The following ZMAT4 variants were observed in gnomAD, a reference collection of about 807,000 sequenced individuals.
The protein encoded by ZMAT4 is zinc finger matrin-type 4.
ZMAT4 carries 17 observed loss-of-function variants against 28.7 expected under a neutral mutation model. That is an observed-to-expected ratio of 0.59 (90% confidence interval 0.41 to 0.89). The LOEUF is 0.89. ZMAT4 is among the 40% of genes least tolerant of loss of function. The pLI is 0.00. For missense variants in ZMAT4, 240 were observed against 283.8 expected (o/e 0.85, Z 1.11); for synonymous variants, 117 against 109.2 (o/e 1.07, Z -0.44).
In ZMAT4 at chr8:40,747,481, G is replaced by A. The variant is rs116084853; in HGVS notation, c.192+20160C>T. On this transcript the variant is annotated intron_variant, in intron 3 of 6. Coordinates refer to ENST00000297737, the MANE Select transcript of ZMAT4 (RefSeq NM_024645.3). ...TATGATTCGGTTTTACTTTTCCCTCGATAGCACTCTATTTCTTCCCTTTCT... is the reference window on the plus strand; with the variant it reads ...TATGATTCGGTTTTACTTTTCCCTCAATAGCACTCTATTTCTTCCCTTTCT... Among the ~76,000 whole-genome samples, 1,229 of 151,696 alleles carry A rather than the reference G, an allele frequency of 8.1e-3. 17 individuals are homozygous for A. The highest frequency in any genetic ancestry group is 0.028 in the African/African-American group (1,163 of 41,334).
intron 6 of ZMAT4, among the ~76,000 whole-genome samples, chr8:40,554,414 C>T (rs1412992687): frequency 6.6e-6 from 1 of 151,938 alleles, no homozygotes; most frequent in African/African-American, 2.4e-5. Flanking sequence ...ACTTAATTAA[C>T]TAAGTACTGG....
intron 3 of ZMAT4, among the ~76,000 whole-genome samples, chr8:40,715,608 T>C (rs965649967): frequency 2.0e-5 from 3 of 152,194 alleles, no homozygotes; most frequent in Non-Finnish European, 4.4e-5. Context: ...AAATAATTAT[T>C]TAGAGTAAGT....
intron 3 of ZMAT4, among the ~76,000 whole-genome samples, chr8:40,749,237 A>G (rs1391330193): frequency 2.6e-5 from 4 of 152,224 alleles, no homozygotes; most frequent in Non-Finnish European, 5.9e-5. Flanking sequence ...AAAGAGGTTC[A>G]GGATCATCTG....
In ZMAT4 at chr8:40,695,921, G is replaced by A. The variant is rs80048980; in HGVS notation, c.349+1324C>T. Among the ~76,000 whole-genome samples the A allele has an allele frequency of 7.7e-4, 117 of 152,062 alleles. 1 individual carries two copies. The South Asian group carries it at 0.017, about 23-fold the overall frequency. On this transcript the variant is annotated intron_variant, in intron 4 of 6. Transcript: ENST00000297737. The stretch of plus-strand genomic sequence containing the variant: ...CAGTAATATTCTGCTTCAGCAGAGA[G>A]AACAAATGGACTGGTTATTAATTCA...
intron 1 of ZMAT4, among the ~76,000 whole-genome samples, chr8:40,860,886 G>A (rs1817465908): frequency 6.6e-6 from 1 of 152,170 alleles, no homozygotes; most frequent in African/African-American, 2.4e-5. Context: ...GAGCCCTTAG[G>A]AGGCTGTTGC....
intron 5 of ZMAT4, among the ~76,000 whole-genome samples, chr8:40,673,871 C>T (rs1808790645): frequency 1.3e-5 from 2 of 152,114 alleles, no homozygotes. Flanking sequence ...AAAACCCTGT[C>T]TGGGGCAGGG....
intron 1 of ZMAT4, among the ~76,000 whole-genome samples, chr8:40,876,711 T>G (rs951594346): frequency 5.3e-4 from 80 of 152,234 alleles, no homozygotes; most frequent in Non-Finnish European, 4.3e-4. Context: ...TATGTGTGAT[T>G]TGACTGTTGA....
At chr8:40,886,967 C>T (rs13265471) in intron 1 of ZMAT4, among the ~76,000 whole-genome samples, 4,222 of 152,002 alleles carry the variant, frequency 0.028, 98 homozygotes, top group South Asian at 0.085. Context: ...GTCAGGAGAT[C>T]GAGACCAACC....
At chr8:40,744,104 T>G (rs1812124415) in intron 3 of ZMAT4, among the ~76,000 whole-genome samples, 1 of 152,162 alleles carries the variant, frequency 6.6e-6, no homozygotes, top group Admixed American at 6.5e-5. Flanking sequence ...TAGAATGAGA[T>G]AACACAGGCC....
chr8:40,827,122 C>A (rs1816088090), intron 1 of ZMAT4, among the ~76,000 whole-genome samples: 1 of 152,174 alleles, frequency 6.6e-6, no homozygotes, highest in Non-Finnish European at 1.5e-5. Flanking sequence ...GCCTCGCTTG[C>A]ATGATTCCAA....
At chr8:40,532,320 C>A in intron 6 of ZMAT4, 82 bp from the exon 7 acceptor site, 1 of 1,236,492 alleles carries the variant, frequency 8.1e-7, no homozygotes, top group Non-Finnish European at 1.1e-6. Flanking sequence ...CACCCCCTGT[C>A]TCTCTTCTAC....
chr8:40,580,968 A>C (rs1364823221), intron 6 of ZMAT4, among the ~76,000 whole-genome samples, 197 bp downstream of exon 6: 1 of 152,336 alleles, frequency 6.6e-6, no homozygotes, highest in African/African-American at 2.4e-5. Context: ...AATGAAAAAA[A>C]GAGATTCTTA....
intron 6 of ZMAT4, among the ~76,000 whole-genome samples, chr8:40,565,836 T>A (rs796128521): frequency 9.9e-4 from 149 of 150,802 alleles, no homozygotes; most frequent in African/African-American, 3.5e-3. Flanking sequence ...GAACTGCAGG[T>A]CCATGTTGGT....
chr8:40,790,060 C>T (rs1310526862), intron 2 of ZMAT4, among the ~76,000 whole-genome samples: 4 of 152,298 alleles, frequency 2.6e-5, no homozygotes, highest in Admixed American at 2.6e-4. Context: ...CTCTCTTTTC[C>T]ACCATGAAGC....
intron 2 of ZMAT4, among the ~76,000 whole-genome samples, chr8:40,800,169 A>G (rs571930686): frequency 6.6e-6 from 1 of 152,240 alleles, no homozygotes; most frequent in African/African-American, 2.4e-5. Flanking sequence ...TGTAATGATA[A>G]AGGGCTAATT....
intron 5 of ZMAT4, among the ~76,000 whole-genome samples, chr8:40,588,473 C>T (rs1014486395): frequency 6.6e-6 from 1 of 151,976 alleles, no homozygotes; most frequent in South Asian, 2.1e-4. Context: ...TAATTTATTA[C>T]ATGTATCATA....
intron 5 of ZMAT4, among the ~76,000 whole-genome samples, chr8:40,601,051 AC>A (rs1442438104): frequency 6.6e-6 from 1 of 152,038 alleles, no homozygotes; most frequent in African/African-American, 2.4e-5. Flanking sequence ...CACTTTTAGC[AC>A]CCCATTGCTT....
chr8:40,736,076 T>C (rs896908032), intron 3 of ZMAT4, among the ~76,000 whole-genome samples: 2 of 152,178 alleles, frequency 1.3e-5, no homozygotes, highest in Non-Finnish European at 2.9e-5. Context: ...AGAAACACTG[T>C]ATAAAGTCAA....
At chr8:40,613,969 C>T (rs1805899828) in intron 5 of ZMAT4, among the ~76,000 whole-genome samples, 1 of 152,222 alleles carries the variant, frequency 6.6e-6, no homozygotes, top group East Asian at 1.9e-4. Flanking sequence ...CTCCTATGGG[C>T]TGCTTTGAAG....
Sources: allele counts gnomAD v4.1 joint callset (sites outside exome capture counted in the v4.1 genomes callset), GRCh38; gene constraint gnomAD v4.1.1; transcripts MANE v1.5; gene names NCBI Gene and HGNC (gene_info 2026-07-23, HGNC 2026-07-21).